The following CLEC2D variants were observed in gnomAD, a reference collection of about 807,000 sequenced individuals.
The protein encoded by CLEC2D is C-type lectin related f.
CLEC2D carries 16 observed loss-of-function variants against 20.0 expected under a neutral mutation model. The observed-to-expected ratio is 0.80, with a 90% CI of 0.54 to 1.22. The LOEUF is 1.22. Ranked by LOEUF, CLEC2D falls within the 50% of genes most tolerant of loss-of-function variation. CLEC2D has a pLI of 0.00. For synonymous variants in CLEC2D, 77 were observed against 71.1 expected, an observed-to-expected ratio of 1.08 and a Z score of -0.42; for missense variants, 207 against 221.5, an observed-to-expected ratio of 0.93 and a Z score of 0.42.
chr12:9,695,763 TGAAGAA>T lies in CLEC2D; in HGVS notation c.*892_*897del, dbSNP rs1170747080. On this transcript the variant is annotated 3_prime_UTR_variant, in exon 5 of 5. Coordinates refer to ENST00000290855, the MANE Select transcript of CLEC2D (RefSeq NM_013269.6). The stretch of plus-strand genomic sequence containing the variant: ...TGAAGGAAGGTGCAGAGTCAGAAGA[TGAAGAA>T]GAGGAGGATGTGAAACTCTTAAGTA... The T allele has an allele frequency of 7.2e-7, 1 of 1,390,546 alleles. No individual in the cohort carries two copies. Among genetic ancestry groups the T allele is most frequent in the South Asian group, 1.2e-5 (1 of 86,550 alleles). The allele number at this position is 1,390,546 out of a possible 1,614,324, so 86.1% of individuals were successfully genotyped here.
rs905898827 is a variant in CLEC2D, at chr12:9,698,170, A to G, written c.*3296A>G. On this transcript the variant is annotated 3_prime_UTR_variant, in exon 5 of 5. Coordinates refer to ENST00000290855, the MANE Select transcript of CLEC2D (RefSeq NM_013269.6). Reference sequence around the variant, plus strand: ...TGATGTTCTGATATATGTGTACACTATGGAATGATTAAATCAAACTAACAT... The same window carrying G: ...TGATGTTCTGATATATGTGTACACTGTGGAATGATTAAATCAAACTAACAT... The G allele has an allele frequency of 1.3e-5, 2 of 152,246 alleles. No homozygotes were observed. The highest frequency in any genetic ancestry group is 2.1e-4 in the South Asian group (1 of 4,836). The allele number at this position is 152,246 out of a possible 1,614,324, so 9.4% of individuals were successfully genotyped here. A position where few individuals can be genotyped will look rare whatever the true frequency, so the allele number is the denominator to read the frequency against.
chr12:9,671,483 C>G (rs7970348), intron 1 of CLEC2D, among the ~76,000 whole-genome samples: 146,373 of 152,010 alleles, frequency 0.96, 70,576 homozygotes, highest in East Asian at 1. Context: ...GCCTCCCAAA[C>G]TGCTGGGATT....
At chr12:9,690,048 T>G (rs145080601) in intron 3 of CLEC2D, among the ~76,000 whole-genome samples, 4 of 152,176 alleles carry the variant, frequency 2.6e-5, no homozygotes, top group African/African-American at 9.6e-5. Flanking sequence ...TAAAGAGATC[T>G]ACATTGAGAC....
At chr12:9,685,939 A>G (rs1454641774) in intron 2 of CLEC2D, among the ~76,000 whole-genome samples, 1 of 151,964 alleles carries the variant, frequency 6.6e-6, no homozygotes, top group South Asian at 2.1e-4. Context: ...GACTGCCCAA[A>G]TCGCCACCCA....
chr12:9,676,928 A>T (rs1865529199), intron 1 of CLEC2D, among the ~76,000 whole-genome samples: 1 of 152,184 alleles, frequency 6.6e-6, no homozygotes, highest in Non-Finnish European at 1.5e-5. Flanking sequence ...TGGACATAGA[A>T]CTGTCCATTT....
At chr12:9,688,255 G>C (rs1182166823) in intron 3 of CLEC2D, 169 bp downstream of exon 3, 4 of 1,178,658 alleles carry the variant, frequency 3.4e-6, no homozygotes, top group Non-Finnish European at 4.2e-6. Context: ...ATATTTTACA[G>C]TGAACCATCT....
intron 1 of CLEC2D, among the ~76,000 whole-genome samples, chr12:9,676,025 TTC>T (rs1865515183): frequency 6.6e-6 from 1 of 152,236 alleles, no homozygotes; most frequent in Non-Finnish European, 1.5e-5. Flanking sequence ...TGCATGTCAG[TTC>T]CCAAAATTGT....
intron 1 of CLEC2D, 69 bp downstream of exon 1, chr12:9,669,864 A>C: frequency 7.1e-6 from 9 of 1,265,136 alleles, no homozygotes; most frequent in Non-Finnish European, 1.0e-5. Context: ...TGATGGGCTC[A>C]CACAGGAAAG....
rs930532280 is a variant in CLEC2D at position 9,688,214 on chromosome 12, T to G, written c.357+128T>G. 9.3e-6 allele frequency: 11 copies of G among 1,179,420 alleles called. No homozygotes were observed. The Admixed American group carries it at 3.8e-4, about 41-fold the overall frequency. The allele number at this position is 1,179,420 out of a possible 1,614,324, so 73.1% of individuals were successfully genotyped here. On this transcript the variant is annotated intron_variant, in intron 3 of 4. Transcript: ENST00000290855. ...GATTTTTTTTTTTTTTTTTTTTTTTTGCATAACGAAAGAGTAACCTAGCAT... is the reference window on the plus strand; with the variant it reads ...GATTTTTTTTTTTTTTTTTTTTTTTGGCATAACGAAAGAGTAACCTAGCAT...
intron 3 of CLEC2D, among the ~76,000 whole-genome samples, chr12:9,690,117 G>A (rs1865833276): frequency 1.3e-5 from 2 of 151,956 alleles, no homozygotes; most frequent in African/African-American, 4.8e-5. Flanking sequence ...CCAGAATGAA[G>A]CAACTCATCA....
chr12:9,695,852 C>CTGCTGA lies in CLEC2D; in HGVS notation c.*981_*986dup. 1.0e-6 allele frequency: 1 copy of CTGCTGA among 982,740 alleles called. No individual in the cohort carries two copies. The highest frequency in any genetic ancestry group is 1.6e-6 in the Non-Finnish European group (1 of 620,008). 60.9% of individuals were successfully genotyped at this position (982,740 alleles called of 1,614,324 possible). ...CAGAAAAAAGTAAAACTTGCTGCTG[C>CTGCTGA]TGCTGATGATGATGATGATGAAGAT... On this transcript the variant is annotated 3_prime_UTR_variant, in exon 5 of 5. Coordinates refer to ENST00000290855, the MANE Select transcript of CLEC2D (RefSeq NM_013269.6).
In CLEC2D at chr12:9,672,743, G is replaced by A. The variant is rs967647288; in HGVS notation, c.61+2948G>A. Among the ~76,000 whole-genome samples the A allele has an allele frequency of 1.3e-4, 20 of 151,958 alleles. 1 individual carries two copies. Among genetic ancestry groups the A allele is most frequent in the African/African-American group, 3.6e-4 (15 of 41,356 alleles). ...CTTTTTACATAGTCCCATAGTTCTT[G>A]GAAGTTTTGTTCATTTCTTTTCATT... On this transcript the variant is annotated intron_variant, in intron 1 of 4. Coordinates refer to ENST00000290855, the MANE Select transcript of CLEC2D (RefSeq NM_013269.6).
intron 1 of CLEC2D, among the ~76,000 whole-genome samples, chr12:9,678,598 G>T (rs1247666010): frequency 2.0e-5 from 3 of 152,006 alleles, no homozygotes. Flanking sequence ...AGAGTGTGGT[G>T]GTATAATCAT....
chr12:9,692,082 G>T (rs895494558), intron 3 of CLEC2D, among the ~76,000 whole-genome samples: 3 of 152,122 alleles, frequency 2.0e-5, no homozygotes, highest in African/African-American at 7.2e-5. Flanking sequence ...CATTAGTTTG[G>T]TGTCTTTTCT....
intron 1 of CLEC2D, among the ~76,000 whole-genome samples, chr12:9,675,515 A>C (rs765881466): frequency 6.6e-6 from 1 of 152,270 alleles, no homozygotes; most frequent in African/African-American, 2.4e-5. Flanking sequence ...TTCTTTAACA[A>C]ATACCACACT....
In CLEC2D at chr12:9,696,563, A is replaced by G. The variant is rs1372857658; in HGVS notation, c.*1689A>G. The G allele has an allele frequency of 1.0e-5, 2 of 190,736 alleles. No homozygotes were observed. The highest frequency in any genetic ancestry group is 2.6e-5 in the African/African-American group (1 of 39,174). The allele number at this position is 190,736 out of a possible 1,614,324, so 11.8% of individuals were successfully genotyped here. ...TTTAATAAAGTAAAAAAAAAAAAAA[A>G]GGTATGGGGAAAACTGCCCCCATAA... On this transcript the variant is annotated 3_prime_UTR_variant, in exon 5 of 5. Coordinates refer to ENST00000290855, the MANE Select transcript of CLEC2D (RefSeq NM_013269.6).
At chr12:9,672,275 C>A (rs1185928976) in intron 1 of CLEC2D, among the ~76,000 whole-genome samples, 1 of 152,156 alleles carries the variant, frequency 6.6e-6, no homozygotes, top group Non-Finnish European at 1.5e-5. Flanking sequence ...ACCTGATTAC[C>A]TCTTAAAGGA....
At chr12:9,682,380 A>T (rs908675893) in intron 2 of CLEC2D, among the ~76,000 whole-genome samples, 15 of 151,826 alleles carry the variant, frequency 9.9e-5, no homozygotes, top group Non-Finnish European at 1.6e-4. Context: ...CTTTTTTTTT[A>T]AATTATACTT....
At chr12:9,688,419 CAAAAT>C (rs1285100371) in intron 3 of CLEC2D, among the ~76,000 whole-genome samples, 1 of 152,060 alleles carries the variant, frequency 6.6e-6, no homozygotes, top group African/African-American at 2.4e-5. Context: ...AACATTGTTT[CAAAAT>C]AAATCAAACA....
Sources: allele counts gnomAD v4.1 joint callset (sites outside exome capture counted in the v4.1 genomes callset), GRCh38; gene constraint gnomAD v4.1.1; transcripts MANE v1.5; gene names NCBI Gene and HGNC (gene_info 2026-07-23, HGNC 2026-07-21).